KIF20B: variants seen among roughly 807,000 people sequenced by gnomAD.
KIF20B encodes kinesin-like protein KIF20B.
In KIF20B, 188 loss-of-function variants were observed where a neutral mutation model predicts 232.5. The ratio of observed to expected loss-of-function variants is 0.81; its 90% CI spans 0.72 to 0.91. KIF20B has a LOEUF of 0.91. Ranked by LOEUF, KIF20B falls within the 40% of genes least tolerant of loss-of-function variation. The pLI, the probability that KIF20B is intolerant of heterozygous loss-of-function variation, is 0.00. For synonymous variants in KIF20B, 712 were observed against 683.0 expected, an observed-to-expected ratio of 1.04 and a Z score of -0.66; for missense variants, 2,154 against 2,055.9, an observed-to-expected ratio of 1.05 and a Z score of -0.92.
chr10:89,741,008 A>AT (rs772296513), intron 21 of KIF20B, among the ~76,000 whole-genome samples: 18 of 152,162 alleles, frequency 1.2e-4, no homozygotes, highest in Admixed American at 3.3e-4. Context: ...CATTACAGTT[A>AT]TTGTGCACTT....
chr10:89,731,084 CTTTTA>C (rs1212695860), intron 18 of KIF20B, among the ~76,000 whole-genome samples: 1 of 152,144 alleles, frequency 6.6e-6, no homozygotes, highest in Non-Finnish European at 1.5e-5. Context: ...GCTCTCGAAA[CTTTTA>C]TTTGGTTAGT....
Position 89,729,245 on chromosome 10 carries a change from A to G in KIF20B, c.2389A>G (p.Asn797Asp). The G allele has an allele frequency of 1.3e-6, 2 of 1,482,502 alleles. No individual in the cohort carries two copies. The highest frequency in any genetic ancestry group is 1.8e-6 in the Non-Finnish European group (2 of 1,106,548). The allele number at this position is 1,482,502 out of a possible 1,614,324, so 91.8% of individuals were successfully genotyped here. A position where few individuals can be genotyped will look rare whatever the true frequency, so the allele number is the denominator to read the frequency against. ...KSHMENTFKCNDKADTSSLII... is the reference protein window; with the variant it reads ...KSHMENTFKCDDKADTSSLII... ...TCATATGGAAAACACATTTAAATGC[A>G]ATGTAAGAATTTAACCTTGTGTTAT... Residue 797 changes from asparagine (N) to aspartate (D), a missense_variant and splice_region_variant, in exon 18 of 33, where the codon AAT becomes GAT. Coordinates refer to ENST00000371728, the MANE Select transcript of KIF20B (RefSeq NM_001284259.2).
chr10:89,751,400 A>G lies in KIF20B; in HGVS notation c.4151A>G (p.Gln1384Arg), dbSNP rs1203448954. The change falls in exon 24 of 33, where the codon CAG becomes CGG. Residue 1384 changes from glutamine to arginine, a missense_variant. Gln to Arg is a conservative substitution (Grantham distance 43, BLOSUM62 1). Transcript: ENST00000371728. ...GACATGCGAATGACACTAGAAGAAC[A>G]GGAACAAACTCAGGTAGAACAGGAT... ...IEDMRMTLEE[Q>R]EQTQVEQDQV... 1.9e-6 allele frequency: 3 copies of G among 1,608,068 alleles called. No homozygotes were observed. The highest frequency in any genetic ancestry group is 2.2e-5 in the East Asian group (1 of 44,602).
At chr10:89,742,220 A>G (rs1841813857) in intron 21 of KIF20B, among the ~76,000 whole-genome samples, 1 of 152,210 alleles carries the variant, frequency 6.6e-6, no homozygotes, top group African/African-American at 2.4e-5. Flanking sequence ...TAAGATGGAA[A>G]AAGCATTAAA....
chr10:89,764,211 A>G (rs564307473), intron 29 of KIF20B, among the ~76,000 whole-genome samples: 2 of 151,924 alleles, frequency 1.3e-5, no homozygotes, highest in African/African-American at 4.8e-5. Flanking sequence ...CCATGTCCCT[A>G]CAAAGGACAT....
intron 22 of KIF20B, among the ~76,000 whole-genome samples, chr10:89,745,578 A>T (rs1001304644): frequency 1.8e-4 from 28 of 151,590 alleles, no homozygotes; most frequent in Non-Finnish European, 3.4e-4. Context: ...GTTTTTTTTT[A>T]ATTTTTTTAA....
chr10:89,740,687 G>T (rs72818766), intron 21 of KIF20B, among the ~76,000 whole-genome samples: 1 of 151,948 alleles, frequency 6.6e-6, no homozygotes, highest in Non-Finnish European at 1.5e-5. Context: ...TTGGGACAGG[G>T]TCTTACTCTG....
rs757522974 is a variant in KIF20B at position 89,705,391 on chromosome 10, A to G, written c.97A>G (p.Ile33Val). 5.0e-6 allele frequency: 8 copies of G among 1,614,104 alleles called. No individual in the cohort carries two copies. The highest frequency in any genetic ancestry group is 5.9e-6 in the Non-Finnish European group (7 of 1,179,960). ...ARPSEINFDGIKLDLSHEFSL... is the reference protein window; with the variant it reads ...ARPSEINFDGVKLDLSHEFSL... ...GCCTTCAGAAATAAATTTCGATGGC[A>G]TTAAGCTTGATCTGTCTCATGAATT... The change falls in exon 2 of 33, where the codon ATT (isoleucine) becomes GTT (valine). Residue 33 changes from isoleucine to valine, a missense_variant. By Grantham distance (29) the Ile-to-Val change is conservative. Transcript: ENST00000371728.
Position 89,739,066 on chromosome 10 carries a change from CAAAAAGCAG to C in KIF20B, c.3887_3895del (p.Lys1296_Gln1298del). 6.2e-7 allele frequency: 1 copy of C among 1,612,416 alleles called. No individual in the cohort carries two copies. Among genetic ancestry groups the C allele is most frequent in the Non-Finnish European group, 8.5e-7 (1 of 1,179,366 alleles). On this transcript the variant is annotated inframe_deletion, in exon 21 of 33. Transcript: ENST00000371728. ...ACCTGAAAGAGAAACTGACTGATGC[CAAAAAGCAG>C]ATTAAGCAAGTACAGAAAGAGGTAG...
intron 6 of KIF20B, 77 bp from the exon 7 acceptor site, chr10:89,713,970 G>C (rs1842885715): frequency 8.4e-6 from 5 of 597,180 alleles, no homozygotes; most frequent in Non-Finnish European, 1.4e-5. Context: ...GACTTATTTG[G>C]ATAGGTAATT....
At chr10:89,762,886 C>A in intron 29 of KIF20B, 51 bp downstream of exon 29, 1 of 1,348,942 alleles carries the variant, frequency 7.4e-7, no homozygotes, top group South Asian at 1.2e-5. Context: ...TATTATAAAG[C>A]TGTTATAGTA....
rs112099107 is a variant in KIF20B at position 89,742,014 on chromosome 10, T to C, written c.3916-1794T>C. 4.6e-3 allele frequency among the ~76,000 whole-genome samples: 702 copies of C among 152,248 alleles called. 6 individuals carry two copies. Among genetic ancestry groups the C allele is most frequent in the African/African-American group, 0.016 (646 of 41,544 alleles). ...AGCCAAAATGTTGTTGTAAAGGGCTTCCTTTAAATGAAAAGGTAAAAGTTC... is the reference window on the plus strand; with the variant it reads ...AGCCAAAATGTTGTTGTAAAGGGCTCCCTTTAAATGAAAAGGTAAAAGTTC... On this transcript the variant is annotated intron_variant, in intron 21 of 32. Coordinates refer to ENST00000371728, the MANE Select transcript of KIF20B (RefSeq NM_001284259.2).
In KIF20B at chr10:89,732,821, C is replaced by T. The variant is rs1843355677; in HGVS notation, c.2392-82C>T. On this transcript the variant is annotated intron_variant, in intron 18 of 32. Coordinates refer to ENST00000371728, the MANE Select transcript of KIF20B (RefSeq NM_001284259.2). Reference sequence around the variant, plus strand: ...ATTTGAAAATAAAATTTTTATGGTACACCATTGAAAGTAATTTATGTGATT... The same window carrying T: ...ATTTGAAAATAAAATTTTTATGGTATACCATTGAAAGTAATTTATGTGATT... The T allele has an allele frequency of 4.1e-6, 5 of 1,216,804 alleles. No individual in the cohort carries two copies. In the Admixed American group the frequency reaches 8.5e-5, roughly 21 times the overall value. 75.4% of individuals were successfully genotyped at this position (1,216,804 alleles called of 1,614,324 possible).
At chr10:89,763,604 T>A (rs535845324) in intron 29 of KIF20B, among the ~76,000 whole-genome samples, 1 of 152,212 alleles carries the variant, frequency 6.6e-6, no homozygotes, top group East Asian at 1.9e-4. Flanking sequence ...AGTGTTAAAA[T>A]TTGGGCCTCT....
At chr10:89,708,625 G>A (rs1284989070) in intron 2 of KIF20B, among the ~76,000 whole-genome samples, 3 of 151,754 alleles carry the variant, frequency 2.0e-5, no homozygotes, top group Non-Finnish European at 4.4e-5. Flanking sequence ...CATAGAAATT[G>A]GGTTATTCAG....
At chr10:89,761,489 A>AAT (rs1842238269) in intron 28 of KIF20B, among the ~76,000 whole-genome samples, 1 of 151,892 alleles carries the variant, frequency 6.6e-6, no homozygotes, top group Non-Finnish European at 1.5e-5. Flanking sequence ...AAAAAAAAAA[A>AAT]AAAGAAATGG....
chr10:89,745,487 C>T (rs571837846), intron 22 of KIF20B, among the ~76,000 whole-genome samples: 6 of 152,106 alleles, frequency 3.9e-5, no homozygotes, highest in African/African-American at 1.4e-4. Flanking sequence ...TGCGCCACTG[C>T]GCTCCATCCT....
Position 89,710,016 on chromosome 10 carries a change from G to A in KIF20B, c.441G>A (p.Leu147=), listed in dbSNP as rs1842804903. ...ACCTCTTGAAAGGACAGAGTCGTCT[G>A]ATTTTTACTTACGGGCTAACCAATT... ...VKDLLKGQSR[L]IFTYGLTNSG... is the part of the protein sequence containing the mutation. The change falls in exon 5 of 33, where the codon CTG becomes CTA. Residue 147 remains leucine (L), a synonymous_variant. Transcript: ENST00000371728. 3.1e-6 allele frequency: 5 copies of A among 1,610,818 alleles called. No individual in the cohort carries two copies. Among genetic ancestry groups the A allele is most frequent in the Non-Finnish European group, 4.2e-6 (5 of 1,178,494 alleles).
intron 8 of KIF20B, among the ~76,000 whole-genome samples, chr10:89,716,096 A>C (rs2418928): frequency 0.31 from 46,985 of 152,094 alleles, 8,170 homozygotes; most frequent in African/African-American, 0.46. Flanking sequence ...TTCAGTGTTT[A>C]ATAGCTAGGT....
Sources: allele counts gnomAD v4.1 joint callset (sites outside exome capture counted in the v4.1 genomes callset), GRCh38; gene constraint gnomAD v4.1.1; transcripts MANE v1.5; gene names NCBI Gene and HGNC (gene_info 2026-07-23, HGNC 2026-07-21).